Variants in CNBD1 observed in about 807,000 individuals in gnomAD.
The protein encoded by CNBD1 is cyclic nucleotide-binding domain-containing protein 1.
A neutral mutation model predicts 54.4 loss-of-function variants in CNBD1; 71 were observed. The observed-to-expected ratio is 1.30, with a 90% confidence interval of 1.08 to 1.59. CNBD1 has a LOEUF of 1.59. Among genes scored for constraint, CNBD1 ranks in the 40% most tolerant of loss-of-function variants. The probability of loss-of-function intolerance (pLI) is 0.00; values close to 1 mark genes in which losing one functional copy is unlikely to be tolerated. For synonymous variants in CNBD1, 182 were observed against 170.7 expected (o/e 1.07, Z -0.51); for missense variants, 659 against 518.0 (o/e 1.27, Z -2.64).
At chr8:87,190,110 T>C (rs1813566870) in intron 4 of CNBD1, among the ~76,000 whole-genome samples, 1 of 152,150 alleles carries the variant, frequency 6.6e-6, no homozygotes, top group South Asian at 2.1e-4. Context: ...AAAATGAACT[T>C]TTCAGGTGGA....
intron 8 of CNBD1, among the ~76,000 whole-genome samples, chr8:87,318,950 G>T (rs1436412366): frequency 2.0e-5 from 3 of 152,012 alleles, no homozygotes; most frequent in Non-Finnish European, 4.4e-5. Context: ...AGGCTCATCA[G>T]AGAAAAGAAT....
intron 2 of CNBD1, among the ~76,000 whole-genome samples, chr8:87,413,457 A>C (rs1389669441): frequency 6.6e-6 from 1 of 152,112 alleles, no homozygotes; most frequent in Non-Finnish European, 1.5e-5. Context: ...AAATCCCTTG[A>C]AGTTTAATTG....
intron 10 of CNBD1, among the ~76,000 whole-genome samples, chr8:87,364,553 G>A (rs1296328782): frequency 6.6e-6 from 1 of 151,702 alleles, no homozygotes; most frequent in East Asian, 1.9e-4. Flanking sequence ...GTAAACTCAT[G>A]ACTCAGTGGT....
chr8:87,414,048 T>A (rs1342062638), intron 2 of CNBD1, among the ~76,000 whole-genome samples: 7 of 152,168 alleles, frequency 4.6e-5, no homozygotes, highest in Admixed American at 4.6e-4. Flanking sequence ...TTATAAATCA[T>A]GATACTATAA....
chr8:87,072,572 G>A (rs142734916), intron 4 of CNBD1, among the ~76,000 whole-genome samples: 1,767 of 135,298 alleles, frequency 0.013, 22 homozygotes, highest in Middle Eastern at 0.037. Flanking sequence ...ATGAAGCTTA[G>A]TTTGGCCAGA....
chr8:87,353,635 G>C lies in CNBD1; in HGVS notation c.1153-1G>C. 6.4e-7 allele frequency: 1 copy of C among 1,561,652 alleles called. No individual in the cohort carries two copies. Among genetic ancestry groups the C allele is most frequent in the African/African-American group, 1.4e-5 (1 of 72,818 alleles). On this transcript the variant is annotated splice_acceptor_variant, in intron 9 of 10. Coordinates refer to ENST00000518476, the MANE Select transcript of CNBD1 (RefSeq NM_173538.3). LOFTEE classifies it high-confidence loss of function. ...ACATCAATAATATATTTTTTTAACA[G>C]AAAAGATCTCAAAAACTTGTTTATA...
intron 4 of CNBD1, among the ~76,000 whole-genome samples, chr8:86,996,186 C>T (rs1232341902): frequency 1.3e-5 from 2 of 152,070 alleles, no homozygotes; most frequent in African/African-American, 2.4e-5. Context: ...AGGCTATTTT[C>T]TCCCACCCTG....
At chr8:86,921,841 A>G (rs532171553) in intron 3 of CNBD1, among the ~76,000 whole-genome samples, 3 of 152,244 alleles carry the variant, frequency 2.0e-5, no homozygotes, top group African/African-American at 7.2e-5. Context: ...GACAATATAC[A>G]CTGAGCACCA....
At chr8:86,956,122 TC>T (rs1400240127) in intron 4 of CNBD1, among the ~76,000 whole-genome samples, 4 of 152,050 alleles carry the variant, frequency 2.6e-5, no homozygotes, top group African/African-American at 9.7e-5. Flanking sequence ...CTCAGGTTCG[TC>T]AAAGATCAGA....
intron 4 of CNBD1, among the ~76,000 whole-genome samples, chr8:87,109,049 T>C (rs1811603197): frequency 6.6e-6 from 1 of 152,234 alleles, no homozygotes; most frequent in African/African-American, 2.4e-5. Context: ...AGAAAGTTAA[T>C]ATATTCAGTT....
At chr8:87,184,575 T>G (rs773728741) in intron 4 of CNBD1, among the ~76,000 whole-genome samples, 4 of 152,142 alleles carry the variant, frequency 2.6e-5, no homozygotes, top group Admixed American at 6.6e-5. Flanking sequence ...ATGGGGGTCA[T>G]GGGGTCTCCT....
chr8:87,063,215 A>G (rs1416431474), intron 4 of CNBD1, among the ~76,000 whole-genome samples: 2 of 152,194 alleles, frequency 1.3e-5, no homozygotes, highest in Non-Finnish European at 1.5e-5. Flanking sequence ...GAAAATACAT[A>G]TAAATCCCAT....
intron 2 of CNBD1, among the ~76,000 whole-genome samples, chr8:87,410,216 A>G (rs1003935487): frequency 2.6e-5 from 4 of 152,162 alleles, no homozygotes; most frequent in Non-Finnish European, 5.9e-5. Flanking sequence ...GGAGATCCAC[A>G]TGCCTGCTAC....
At chr8:87,241,780 ATACT>A (rs1807713589) in intron 6 of CNBD1, among the ~76,000 whole-genome samples, 1 of 152,290 alleles carries the variant, frequency 6.6e-6, no homozygotes, top group East Asian at 1.9e-4. Context: ...AAACAAAATG[ATACT>A]TATTTGTGAT....
At chr8:87,375,333 G>GT (rs914667237) in intron 10 of CNBD1, among the ~76,000 whole-genome samples, 2 of 151,886 alleles carry the variant, frequency 1.3e-5, no homozygotes, top group African/African-American at 4.8e-5. Flanking sequence ...ACAGAGAGAG[G>GT]TAAGTGGAAT....
intron 4 of CNBD1, among the ~76,000 whole-genome samples, chr8:87,086,845 G>A (rs1384100361): frequency 6.6e-6 from 1 of 151,986 alleles, no homozygotes; most frequent in Non-Finnish European, 1.5e-5. Flanking sequence ...GATCCTTTAC[G>A]AGTTCATTAA....
rs144590015 is a variant in CNBD1 at position 87,210,226 on chromosome 8, G to T, written c.577+4088G>T. ...TCCTATGTTCAGATAAGGGAGCAAA[G>T]AAATGACTTAAAGTTGGAAGTTCTC... On this transcript the variant is annotated intron_variant, in intron 5 of 10. Transcript: ENST00000518476. 2.9e-3 allele frequency among the ~76,000 whole-genome samples: 435 copies of T among 152,300 alleles called. 5 individuals are homozygous for T. Among genetic ancestry groups the T allele is most frequent in the African/African-American group, 9.2e-3 (381 of 41,562 alleles).
intron 2 of CNBD1, among the ~76,000 whole-genome samples, chr8:86,888,994 G>A (rs1808726185): frequency 6.6e-6 from 1 of 151,986 alleles, no homozygotes; most frequent in South Asian, 2.1e-4. Flanking sequence ...GGGTGGTGTC[G>A]TCTTGTGAGA....
intron 3 of CNBD1, among the ~76,000 whole-genome samples, chr8:86,907,733 G>T (rs1176992018): frequency 6.6e-6 from 1 of 151,434 alleles, no homozygotes; most frequent in Non-Finnish European, 1.5e-5. Context: ...ATTTCCTAAA[G>T]TATATTAAGA....
Sources: gnomAD v4.1 joint callset for allele counts (sites outside exome capture counted in the v4.1 genomes callset) on GRCh38, gnomAD v4.1.1 for gene constraint, MANE v1.5 for transcripts, NCBI Gene and HGNC (gene_info 2026-07-23, HGNC 2026-07-21) for gene names.